DHX35: variants seen among roughly 807,000 people sequenced by gnomAD.
DHX35 encodes probable ATP-dependent RNA helicase DHX35.
Under a neutral mutation model 99.6 loss-of-function variants are expected in DHX35, and 84 were observed. That is an observed-to-expected ratio of 0.84 (90% CI 0.71 to 1.01). The LOEUF (loss-of-function observed/expected upper bound fraction) is 1.01. Among genes scored for constraint, DHX35 ranks in the 50% least tolerant of loss-of-function variants. DHX35 has a pLI of 0.00. For synonymous variants in DHX35, 331 were observed against 316.2 expected (o/e 1.05, Z -0.50); for missense variants, 852 against 888.5 (o/e 0.96, Z 0.52).
chr20:38,988,753 T>C, intron 4 of DHX35, 60 bp from the exon 5 acceptor site: 1 of 1,608,120 alleles, frequency 6.2e-7, no homozygotes, highest in South Asian at 1.1e-5. Context: ...TTTTCCATAG[T>C]ATGTGCGCTG....
chr20:39,031,545 C>T (rs750756614), intron 20 of DHX35, among the ~76,000 whole-genome samples: 18 of 152,102 alleles, frequency 1.2e-4, no homozygotes, highest in Non-Finnish European at 2.2e-4. Context: ...CTGTGTTGGC[C>T]AGGCTGGTCT....
intron 2 of DHX35, among the ~76,000 whole-genome samples, chr20:38,972,353 T>C (rs1010889823): frequency 1.6e-4 from 24 of 152,212 alleles, no homozygotes; most frequent in Admixed American, 1.5e-3. Flanking sequence ...GTATGCATTA[T>C]GTATTTTGAT....
intron 4 of DHX35, among the ~76,000 whole-genome samples, chr20:38,985,396 G>T (rs928548343): frequency 4.3e-5 from 6 of 140,464 alleles, no homozygotes; most frequent in African/African-American, 1.6e-4. Flanking sequence ...AAAAAAAAAA[G>T]GCTTAAAGAA....
chr20:39,028,320 G>A, intron 18 of DHX35, 98 bp from the exon 19 acceptor site: 3 of 1,214,528 alleles, frequency 2.5e-6, no homozygotes, highest in South Asian at 1.2e-5. Flanking sequence ...TCTTGAAGCA[G>A]CCTGGGGTGG....
rs1027215125 is a variant in DHX35 at position 39,012,013 on chromosome 20, C to T, written c.1347+1609C>T. Reference sequence around the variant, plus strand: ...CTGTAATCCCAGCACTTTGGGAGGCCGAGGCAGGTGGATCACTTGAGGTCC... The same window carrying T: ...CTGTAATCCCAGCACTTTGGGAGGCTGAGGCAGGTGGATCACTTGAGGTCC... On this transcript the variant is annotated intron_variant, in intron 13 of 21. Coordinates refer to ENST00000252011, the MANE Select transcript of DHX35 (RefSeq NM_021931.4). 9.2e-5 allele frequency among the ~76,000 whole-genome samples: 14 copies of T among 152,166 alleles called. No homozygotes were observed. The East Asian group carries it at 1.4e-3, about 15-fold the overall frequency.
At chr20:38,986,754 T>A (rs1469884927) in intron 4 of DHX35, among the ~76,000 whole-genome samples, 1 of 152,204 alleles carries the variant, frequency 6.6e-6, no homozygotes, top group Non-Finnish European at 1.5e-5. Flanking sequence ...GGCAGAGCAA[T>A]GTAGGATAAC....
At chr20:39,036,582 C>G (rs559485709) in intron 21 of DHX35, among the ~76,000 whole-genome samples, 125 of 151,750 alleles carry the variant, frequency 8.2e-4, no homozygotes, top group Middle Eastern at 3.4e-3. Context: ...AAAAATTAGC[C>G]GGGCATGGTG....
chr20:38,990,697 G>A (rs561102235), intron 5 of DHX35, among the ~76,000 whole-genome samples: 2 of 152,270 alleles, frequency 1.3e-5, no homozygotes, highest in African/African-American at 4.8e-5. Flanking sequence ...GGGAGGGTAT[G>A]CATAGGTTAC....
intron 21 of DHX35, among the ~76,000 whole-genome samples, chr20:39,037,667 C>T (rs1460954124): frequency 1.3e-5 from 2 of 152,074 alleles, no homozygotes; most frequent in Non-Finnish European, 2.9e-5. Context: ...TTAGTTGGCA[C>T]GGCTTAGGGA....
At chr20:39,013,274 T>C (rs1471686931) in intron 13 of DHX35, among the ~76,000 whole-genome samples, 1 of 152,222 alleles carries the variant, frequency 6.6e-6, no homozygotes, top group African/African-American at 2.4e-5. Flanking sequence ...ACTGGAACAA[T>C]TTAATTGCCC....
chr20:39,021,394 C>T (rs2086869730), intron 15 of DHX35, among the ~76,000 whole-genome samples: 1 of 152,240 alleles, frequency 6.6e-6, no homozygotes, highest in Non-Finnish European at 1.5e-5. Flanking sequence ...AGGGCAGTAA[C>T]ACCTCCTTTT....
intron 11 of DHX35, among the ~76,000 whole-genome samples, chr20:39,004,903 A>T (rs1600407792): frequency 6.6e-6 from 1 of 152,178 alleles, no homozygotes; most frequent in African/African-American, 2.4e-5. Context: ...GACCATTGGG[A>T]TGGAGCAACA....
intron 3 of DHX35, among the ~76,000 whole-genome samples, chr20:38,975,576 T>C (rs2086063942): frequency 1.3e-5 from 2 of 152,238 alleles, no homozygotes; most frequent in Admixed American, 1.3e-4. Context: ...GACCACATGA[T>C]GTTCCAGAAT....
At chr20:39,018,670 T>C (rs1669902842) in intron 14 of DHX35, 134 bp from the exon 15 acceptor site, 4 of 822,744 alleles carry the variant, frequency 4.9e-6, no homozygotes, top group Non-Finnish European at 7.8e-6. Flanking sequence ...AAATGGAGTT[T>C]GGTGTAGTGC....
In DHX35 at chr20:39,038,679, C is replaced by T. The variant is rs1212267671; in HGVS notation, c.*136C>T. On this transcript the variant is annotated 3_prime_UTR_variant, in exon 22 of 22. Coordinates refer to ENST00000252011, the MANE Select transcript of DHX35 (RefSeq NM_021931.4). Reference sequence around the variant, plus strand: ...GCTCTGAAGTGGGCTGCGGCCTGTTCATTAGTCCTTTCTTCCCGCTGCCCA... The same window carrying T: ...GCTCTGAAGTGGGCTGCGGCCTGTTTATTAGTCCTTTCTTCCCGCTGCCCA... The T allele has an allele frequency of 1.2e-6, 1 of 825,910 alleles. No individual in the cohort carries two copies. The highest frequency in any genetic ancestry group is 1.7e-5 in the African/African-American group (1 of 58,122). The allele number at this position is 825,910 out of a possible 1,614,324, so 51.2% of individuals were successfully genotyped here.
intron 18 of DHX35, among the ~76,000 whole-genome samples, chr20:39,026,613 A>C (rs976124577): frequency 6.6e-6 from 1 of 152,140 alleles, no homozygotes; most frequent in Non-Finnish European, 1.5e-5. Context: ...AGCTTCCTTG[A>C]GGTGTGGTGG....
At chr20:39,013,177 A>G (rs966406675) in intron 13 of DHX35, among the ~76,000 whole-genome samples, 3 of 152,204 alleles carry the variant, frequency 2.0e-5, no homozygotes, top group Non-Finnish European at 4.4e-5. Flanking sequence ...TCTGGTTATT[A>G]TCCCCTGAAA....
At chr20:39,013,194 T>A (rs953527209) in intron 13 of DHX35, among the ~76,000 whole-genome samples, 1 of 152,164 alleles carries the variant, frequency 6.6e-6, no homozygotes, top group East Asian at 1.9e-4. Flanking sequence ...GAAATTGTGG[T>A]TTTTATGATT....
chr20:38,964,157 G>A (rs2085876160), intron 1 of DHX35, among the ~76,000 whole-genome samples: 1 of 152,162 alleles, frequency 6.6e-6, no homozygotes, highest in African/African-American at 2.4e-5. Flanking sequence ...CATTAAGGTG[G>A]TATTTTTGGA....
Sources: gnomAD v4.1 joint callset for allele counts (sites outside exome capture counted in the v4.1 genomes callset) on GRCh38, gnomAD v4.1.1 for gene constraint, MANE v1.5 for transcripts, NCBI Gene and HGNC (gene_info 2026-07-23, HGNC 2026-07-21) for gene names.